The following POLD3 variants were observed in gnomAD, a reference collection of about 807,000 sequenced individuals.
The protein encoded by POLD3 is DNA polymerase delta 3, accessory subunit, also known as DNA polymerase delta subunit 3.
Under a neutral mutation model 58.2 loss-of-function variants are expected in POLD3, and 19 were observed. The ratio of observed to expected loss-of-function variants is 0.33; its 90% CI spans 0.23 to 0.48. The LOEUF (loss-of-function observed/expected upper bound fraction) is 0.48, where lower values mean the gene tolerates loss of function less well. POLD3 is among the 20% of genes least tolerant of loss of function. POLD3 has a pLI of 0.99. For missense variants in POLD3, 504 were observed against 545.5 expected (o/e 0.92, Z 0.76); for synonymous variants, 172 against 193.5 (o/e 0.89, Z 0.92).
Position 74,600,102 on chromosome 11 carries a change from C to T in POLD3, c.117-4590C>T, listed in dbSNP as rs150306593. ...CTGGGACTACAGGCACATGCCACCA[C>T]GCCTGGCTAACTTCTTGTATGTTTA... On this transcript the variant is annotated intron_variant, in intron 2 of 11. Coordinates refer to ENST00000263681, the MANE Select transcript of POLD3 (RefSeq NM_006591.3). Among the ~76,000 whole-genome samples, 257 of 151,854 alleles carry T rather than the reference C, an allele frequency of 1.7e-3. 2 individuals are homozygous for T. Among genetic ancestry groups the T allele is most frequent in the African/African-American group, 5.7e-3 (238 of 41,408 alleles).
intron 4 of POLD3, among the ~76,000 whole-genome samples, chr11:74,654,104 A>G (rs2033103214): frequency 6.6e-6 from 1 of 152,176 alleles, no homozygotes; most frequent in Non-Finnish European, 1.5e-5. Flanking sequence ...AGATGACTCA[A>G]ACACCTCCCC....
At chr11:74,618,236 A>AAAG (rs75611271) in intron 5 of POLD3, among the ~76,000 whole-genome samples, 130,133 of 151,838 alleles carry the variant, frequency 0.86, 56,284 homozygotes, top group African/African-American at 0.97. Context: ...TTTATCAAAA[A>AAAG]CAAGAATATT....
chr11:74,645,016 G>T (rs918283004), downstream of POLD3, among the ~76,000 whole-genome samples: 1 of 152,096 alleles, frequency 6.6e-6, no homozygotes, highest in African/African-American at 2.4e-5. Flanking sequence ...AATACTTTGG[G>T]GATTGTAAGA....
At chr11:74,598,747 A>G (rs950117001) in intron 2 of POLD3, among the ~76,000 whole-genome samples, 2 of 152,150 alleles carry the variant, frequency 1.3e-5, no homozygotes, top group Non-Finnish European at 2.9e-5. Context: ...GTCTCCAGGT[A>G]GTCGGACTTC....
intron 4 of POLD3, among the ~76,000 whole-genome samples, chr11:74,666,139 T>C (rs113632203): frequency 0.012 from 1,801 of 152,312 alleles, 42 homozygotes; most frequent in African/African-American, 0.039. Flanking sequence ...AGAAAACAAT[T>C]GCATTTACAA....
chr11:74,607,651 G>C (rs1469884737), intron 3 of POLD3, among the ~76,000 whole-genome samples: 1 of 151,276 alleles, frequency 6.6e-6, no homozygotes, highest in East Asian at 1.9e-4. Context: ...GCAGAATCTC[G>C]GCTTACTGTA....
chr11:74,640,795 G>C lies in POLD3; in HGVS notation c.*29G>C. The C allele has an allele frequency of 1.9e-6, 3 of 1,540,352 alleles. No homozygotes were observed. The East Asian group carries it at 6.9e-5, about 35-fold the overall frequency. On this transcript the variant is annotated 3_prime_UTR_variant, in exon 12 of 12. Coordinates refer to ENST00000263681, the MANE Select transcript of POLD3 (RefSeq NM_006591.3). Reference sequence around the variant, plus strand: ...GCCATCTCTGGTAGATCAGAGACTTGGAGTGGTCAAGGGAGAAGACCAAGA... The same window carrying C: ...GCCATCTCTGGTAGATCAGAGACTTCGAGTGGTCAAGGGAGAAGACCAAGA...
chr11:74,623,229 C>T (rs985969940), intron 7 of POLD3, among the ~76,000 whole-genome samples: 5 of 151,990 alleles, frequency 3.3e-5, no homozygotes, highest in Admixed American at 2.6e-4. Flanking sequence ...GTCAGGAGAT[C>T]GAGACCATCC....
At chr11:74,639,177 G>T (rs2032840133) in intron 11 of POLD3, among the ~76,000 whole-genome samples, 1 of 152,140 alleles carries the variant, frequency 6.6e-6, no homozygotes, top group Non-Finnish European at 1.5e-5. Flanking sequence ...AAATTCTCAG[G>T]TCCCACCCCA....
At chr11:74,653,036 ATCT>A in intron 4 of POLD3, 2 of 152,676 alleles carry the variant, frequency 1.3e-5, no homozygotes, top group East Asian at 3.8e-4. Context: ...CATGTGCTTT[ATCT>A]TTGGGATGCT....
chr11:74,597,275 G>C (rs2031307297), intron 2 of POLD3, among the ~76,000 whole-genome samples: 1 of 152,110 alleles, frequency 6.6e-6, no homozygotes, highest in Non-Finnish European at 1.5e-5. Flanking sequence ...TGTGTTGCTT[G>C]TGCTTCTGAC....
intron 5 of POLD3, 48 bp downstream of exon 5, chr11:74,613,058 T>G: frequency 6.4e-7 from 1 of 1,564,516 alleles, no homozygotes; most frequent in Non-Finnish European, 8.7e-7. Flanking sequence ...ATTGATTTTG[T>G]AAGATGTTTA....
chr11:74,606,471 A>G (rs1250808795), intron 3 of POLD3, among the ~76,000 whole-genome samples: 2 of 152,234 alleles, frequency 1.3e-5, no homozygotes, highest in Non-Finnish European at 2.9e-5. Flanking sequence ...GTTTCTTTAA[A>G]GCAGTGCTTT....
In POLD3 at chr11:74,641,362, C is replaced by T. The variant is rs1323904778; in HGVS notation, c.*596C>T. ...TATGCAGTACACGGACACCTGGCTA[C>T]AGACCAGGACGTGGCTTGTGTTCTG... On this transcript the variant is annotated 3_prime_UTR_variant, in exon 12 of 12. Transcript: ENST00000263681. 1 of 985,434 alleles carries T rather than the reference C, an allele frequency of 1.0e-6. No homozygotes were observed. Among genetic ancestry groups the T allele is most frequent in the Non-Finnish European group, 1.2e-6 (1 of 829,930 alleles). 61.0% of individuals were successfully genotyped at this position (985,434 alleles called of 1,614,324 possible).
At chr11:74,669,195 C>T (rs2033310147), downstream of POLD3, 1 of 169,976 alleles carries the variant, frequency 5.9e-6, no homozygotes, top group Admixed American at 5.6e-5. Flanking sequence ...AGCCCTCTCT[C>T]CCTCCCAAAA....
intron 11 of POLD3, chr11:74,638,533 G>A (rs1565128774): frequency 4.1e-5 from 18 of 443,124 alleles, no homozygotes; most frequent in South Asian, 9.7e-5. Context: ...TTCTGTATCT[G>A]TAGATGGCTC....
chr11:74,642,661 T>A lies in POLD3; in HGVS notation c.*1895T>A. 1 of 984,444 alleles carries A rather than the reference T, an allele frequency of 1.0e-6. No homozygotes were observed. The highest frequency in any genetic ancestry group is 1.7e-5 in the African/African-American group (1 of 57,338). The allele number at this position is 984,444 out of a possible 1,614,324, so 61.0% of individuals were successfully genotyped here. On this transcript the variant is annotated 3_prime_UTR_variant, in exon 12 of 12. Transcript: ENST00000263681. ...AGTAAGTATTGAGTGGTGTTTTTTT[T>A]TTCTTTTTATACAATACCATGTTAA...
At chr11:74,604,631 G>A (rs1220219893) in intron 2 of POLD3, 61 bp from the exon 3 acceptor site, 1 of 856,994 alleles carries the variant, frequency 1.2e-6, no homozygotes, top group African/African-American at 1.7e-5. Context: ...CATTAATTAA[G>A]AGTTGATCAT....
chr11:74,635,387 TA>T (rs1338867846), intron 10 of POLD3, among the ~76,000 whole-genome samples: 1 of 152,154 alleles, frequency 6.6e-6, no homozygotes, highest in Non-Finnish European at 1.5e-5. Context: ...TAGATAGCTA[TA>T]ATGTTGAAGT....
Sources: allele counts gnomAD v4.1 joint callset (sites outside exome capture counted in the v4.1 genomes callset), GRCh38; gene constraint gnomAD v4.1.1; transcripts MANE v1.5; gene names NCBI Gene and HGNC (gene_info 2026-07-23, HGNC 2026-07-21).